The following SH2B2 variants were observed in gnomAD, a reference collection of about 807,000 sequenced individuals.
SH2B2 encodes SH2B adaptor protein 2.
Under a neutral mutation model 35.7 loss-of-function variants are expected in SH2B2, and 37 were observed. The observed-to-expected ratio is 1.04, with a 90% CI of 0.80 to 1.36. The LOEUF is 1.36. Ranked by LOEUF, SH2B2 falls within the 40% of genes most tolerant of loss-of-function variation. The pLI is 0.00. For missense variants in SH2B2, 852 were observed against 817.7 expected (o/e 1.04, Z -0.51); for synonymous variants, 383 against 376.4 (o/e 1.02, Z -0.20).
At position 102,308,814 on chromosome 7, in the gene SH2B2, G is replaced by A. The variant is rs1793501759; in HGVS notation, c.832-1G>A. The A allele has an allele frequency of 1.2e-6, 2 of 1,613,386 alleles. No individual in the cohort carries two copies. Among genetic ancestry groups the A allele is most frequent in the Non-Finnish European group, 8.5e-7 (1 of 1,179,578 alleles). On this transcript the variant is annotated splice_acceptor_variant, in intron 3 of 8. Coordinates refer to ENST00000444095, the MANE Select transcript of SH2B2 (RefSeq NM_001359228.2). LOFTEE classifies it high-confidence loss of function. ...GCACTCCCGGCCACCTTCCTCCCCA[G>A]GTAGAGAATGGAGCCGAATACATCT...
intron 1 of SH2B2, among the ~76,000 whole-genome samples, chr7:102,290,861 A>G (rs1486412647): frequency 6.6e-6 from 1 of 152,254 alleles, no homozygotes; most frequent in Non-Finnish European, 1.5e-5. Context: ...CTGCCTGCCA[A>G]GAGCAGTTGG....
chr7:102,303,886 T>G (rs1337079336), intron 2 of SH2B2, among the ~76,000 whole-genome samples: 3 of 148,522 alleles, frequency 2.0e-5, no homozygotes, highest in Admixed American at 2.0e-4. Context: ...ACTCCACCGC[T>G]TAGTCCCAGC....
At chr7:102,295,750 T>G (rs1279731747) in intron 1 of SH2B2, among the ~76,000 whole-genome samples, 2 of 152,086 alleles carry the variant, frequency 1.3e-5, no homozygotes, top group African/African-American at 2.4e-5. Flanking sequence ...AAGAAGTGGC[T>G]TCTGGATTAA....
At chr7:102,316,363 G>A (rs782008663) in intron 6 of SH2B2, among the ~76,000 whole-genome samples, 6 of 152,032 alleles carry the variant, frequency 3.9e-5, no homozygotes, top group Non-Finnish European at 5.9e-5. Context: ...CAAGACGGGC[G>A]GATTGCCTGA....
At chr7:102,317,154 C>A in intron 6 of SH2B2, 33 bp from the exon 7 acceptor site, 1 of 1,522,694 alleles carries the variant, frequency 6.6e-7, no homozygotes. Flanking sequence ...TCTCCTTCCC[C>A]CCATGTTCCT....
intron 4 of SH2B2, among the ~76,000 whole-genome samples, chr7:102,312,441 A>G (rs1369632034): frequency 6.6e-6 from 1 of 152,204 alleles, no homozygotes; most frequent in Non-Finnish European, 1.5e-5. Context: ...ACAGCAGTGT[A>G]GAAAGAGGAT....
At chr7:102,290,047 C>T (rs1586561861) in intron 1 of SH2B2, among the ~76,000 whole-genome samples, 1 of 152,016 alleles carries the variant, frequency 6.6e-6, no homozygotes, top group South Asian at 2.1e-4. Context: ...CTTATCTGAC[C>T]CGCACTTCCT....
At position 102,289,952 on chromosome 7, in the gene SH2B2, C is replaced by T. The variant is rs555510431; in HGVS notation, c.-30+2858C>T. Among the ~76,000 whole-genome samples, 10 of 152,254 alleles carry T rather than the reference C, an allele frequency of 6.6e-5. 1 individual carries two copies. Among genetic ancestry groups the T allele is most frequent in the African/African-American group, 2.2e-4 (9 of 41,548 alleles). ...CAGAGCCCATCCAGGAACTGTCCAG[C>T]ACTGGGTGCTCCTGAAGGAGGCTGA... On this transcript the variant is annotated intron_variant, in intron 1 of 8. Coordinates refer to ENST00000444095, the MANE Select transcript of SH2B2 (RefSeq NM_001359228.2).
At chr7:102,294,172 C>T (rs1338732176) in intron 1 of SH2B2, among the ~76,000 whole-genome samples, 2 of 152,126 alleles carry the variant, frequency 1.3e-5, no homozygotes, top group Non-Finnish European at 2.9e-5. Flanking sequence ...GGACTACAGG[C>T]GTGTGCCACC....
At position 102,321,411 on chromosome 7, in the gene SH2B2, C is replaced by T; in HGVS notation, c.1680C>T (p.Pro560=). ...LAAAACPPAS[P]SDAAGASSSS... ...CGGCCGCCTGCCCGCCTGCCTCGCCCTCCGACGCCGCCGGCGCCTCCTCGT... is the reference window on the plus strand; with the variant it reads ...CGGCCGCCTGCCCGCCTGCCTCGCCTTCCGACGCCGCCGGCGCCTCCTCGT... Residue 560 remains proline, a synonymous_variant, in exon 9 of 9, where the codon CCC becomes CCT. Transcript: ENST00000444095. The T allele has an allele frequency of 1.5e-6, 2 of 1,347,274 alleles. No individual in the cohort carries two copies. The highest frequency in any genetic ancestry group is 1.9e-6 in the Non-Finnish European group (2 of 1,048,174). 83.5% of individuals were successfully genotyped at this position (1,347,274 alleles called of 1,614,324 possible).
intron 1 of SH2B2, among the ~76,000 whole-genome samples, chr7:102,296,030 C>T (rs186771675): frequency 1.7e-3 from 258 of 152,278 alleles, no homozygotes; most frequent in Admixed American, 2.9e-3. Flanking sequence ...TCCAAACTCC[C>T]GACTCCCCTC....
At chr7:102,320,951 G>A (rs1408021106) in intron 8 of SH2B2, among the ~76,000 whole-genome samples, 4 of 152,168 alleles carry the variant, frequency 2.6e-5, no homozygotes, top group Admixed American at 2.6e-4. Flanking sequence ...ATGTGCCCGT[G>A]TGCGTACGCT....
rs1794065389 is a variant in SH2B2 at position 102,321,317 on chromosome 7, C to G, written c.1586C>G (p.Pro529Arg). The G allele has an allele frequency of 7.0e-7, 1 of 1,425,422 alleles. No individual in the cohort carries two copies. The highest frequency in any genetic ancestry group is 3.1e-5 in the East Asian group (1 of 32,332). 88.3% of individuals were successfully genotyped at this position (1,425,422 alleles called of 1,614,324 possible). The change falls in exon 9 of 9, where the codon CCT becomes CGT. Residue 529 changes from proline (P) to arginine (R), a missense_variant. By Grantham distance (103) the Pro-to-Arg change is moderately radical. This residue lies in a region of SH2B2 where 556 missense variants were observed against 514.5 expected (regional missense o/e 1.08). Coordinates refer to ENST00000444095, the MANE Select transcript of SH2B2 (RefSeq NM_001359228.2). ...DPPPEPGPTP[P>R]AAPASPACWS... ...GTTGCAGAGCCGGGCCCCACGCCCC[C>G]TGCCGCGCCCGCGTCCCCGGCCTGC...
chr7:102,315,721 AAC>A (rs1793799872), intron 6 of SH2B2, among the ~76,000 whole-genome samples: 1 of 145,658 alleles, frequency 6.9e-6, no homozygotes, highest in Non-Finnish European at 1.5e-5. Context: ...CAGCCTGAGC[AAC>A]AGAGAGAGAC....
At chr7:102,302,229 C>A (rs1354858968) in intron 2 of SH2B2, among the ~76,000 whole-genome samples, 8 of 152,218 alleles carry the variant, frequency 5.3e-5, no homozygotes, top group Admixed American at 4.6e-4. Context: ...CCCAAGGGTG[C>A]CTGGCACCTC....
intron 2 of SH2B2, among the ~76,000 whole-genome samples, chr7:102,306,368 C>T (rs1410830611): frequency 1.3e-5 from 2 of 152,122 alleles, no homozygotes; most frequent in Non-Finnish European, 2.9e-5. Flanking sequence ...GGATTACAGG[C>T]GTGAGCCACC....
intron 6 of SH2B2, among the ~76,000 whole-genome samples, chr7:102,316,282 A>G (rs1172559733): frequency 7.2e-5 from 11 of 152,128 alleles, no homozygotes; most frequent in Admixed American, 5.9e-4. Flanking sequence ...ATCTCAAAAA[A>G]TAAATAAATA....
At chr7:102,311,552 G>T (rs1361577680) in intron 4 of SH2B2, among the ~76,000 whole-genome samples, 1 of 130,546 alleles carries the variant, frequency 7.7e-6, no homozygotes, top group Non-Finnish European at 1.6e-5. Context: ...ACTGCAACTG[G>T]CCTTTTTTTT....
At chr7:102,316,211 A>G (rs1168520521) in intron 6 of SH2B2, among the ~76,000 whole-genome samples, 1 of 152,174 alleles carries the variant, frequency 6.6e-6, no homozygotes, top group African/African-American at 2.4e-5. Flanking sequence ...CAGGAGGCCA[A>G]GGCTGCAGTG....
Sources: gnomAD v4.1 joint callset for allele counts (sites outside exome capture counted in the v4.1 genomes callset) on GRCh38, gnomAD v4.1.1 for gene constraint, gnomAD v4.1.1 regional missense constraint, MANE v1.5 for transcripts, NCBI Gene and HGNC (gene_info 2026-07-23, HGNC 2026-07-21) for gene names.